ADGRV1: variants seen among roughly 807,000 people sequenced by gnomAD.
ADGRV1 encodes G-protein coupled receptor 98.
Under a neutral mutation model 596.2 loss-of-function variants are expected in ADGRV1, and 359 were observed. The ratio of observed to expected loss-of-function variants is 0.60; its 90% CI spans 0.55 to 0.66. The LOEUF is 0.66. ADGRV1 is among the 30% of genes least tolerant of loss of function. The pLI is 0.00. For synonymous variants in ADGRV1, 2,681 were observed against 2,679.2 expected (o/e 1.00, Z -0.02); for missense variants, 7,274 against 7,575.6 (o/e 0.96, Z 1.48).
chr5:91,060,199 C>T (rs940296814), intron 85 of ADGRV1, among the ~76,000 whole-genome samples: 14 of 151,730 alleles, frequency 9.2e-5, no homozygotes, highest in African/African-American at 1.9e-4. Flanking sequence ...TGCTGGGGGG[C>T]GGGGCAGCAG....
chr5:90,677,726 G>A (rs1744418518), intron 25 of ADGRV1, among the ~76,000 whole-genome samples: 1 of 152,072 alleles, frequency 6.6e-6, no homozygotes, highest in Non-Finnish European at 1.5e-5. Flanking sequence ...TATATTAATT[G>A]GACTTGAATA....
Position 90,651,394 on chromosome 5 carries a change from T to G in ADGRV1, c.3290-210T>G, listed in dbSNP as rs1012783307. The stretch of plus-strand genomic sequence containing the variant: ...TTATGTAGGCATCTCTCTTTCTCTC[T>G]CTCTTTGTATGTATGTTTGTACTTA... On this transcript the variant is annotated intron_variant, in intron 17 of 89. Coordinates refer to ENST00000405460, the MANE Select transcript of ADGRV1 (RefSeq NM_032119.4). 2.0e-5 allele frequency among the ~76,000 whole-genome samples: 3 copies of G among 152,286 alleles called. No homozygotes were observed. The East Asian group carries it at 5.8e-4, about 29-fold the overall frequency.
At chr5:90,766,037 G>A (rs1374454286) in intron 59 of ADGRV1, among the ~76,000 whole-genome samples, 1 of 152,006 alleles carries the variant, frequency 6.6e-6, no homozygotes, top group African/African-American at 2.4e-5. Context: ...AGCCTCCCGA[G>A]TAGCTGGGAC....
At chr5:90,807,035 T>C (rs779118484) in intron 72 of ADGRV1, among the ~76,000 whole-genome samples, 2 of 152,016 alleles carry the variant, frequency 1.3e-5, no homozygotes, top group Non-Finnish European at 2.9e-5. Flanking sequence ...GTATTTTTTG[T>C]ACAGATGGGG....
At chr5:91,038,502 A>G (rs1785084157) in intron 85 of ADGRV1, among the ~76,000 whole-genome samples, 1 of 151,914 alleles carries the variant, frequency 6.6e-6, no homozygotes. Flanking sequence ...AGAGAAATGA[A>G]TGGATTCAAA....
chr5:90,663,358 G>A (rs1183629869), intron 21 of ADGRV1, among the ~76,000 whole-genome samples: 1 of 150,506 alleles, frequency 6.6e-6, no homozygotes, highest in Non-Finnish European at 1.5e-5. Context: ...TTCTCTGATG[G>A]CCAGTGATGA....
rs141543439 is a variant in ADGRV1, at chr5:90,577,251, T to A, written c.22+18334T>A. ...CTTCTAGGGTTTTTATGGTTTTAGG[T>A]CAAACATTTAAGTCTTTAATCCATC... On this transcript the variant is annotated intron_variant, in intron 1 of 89. Coordinates refer to ENST00000405460, the MANE Select transcript of ADGRV1 (RefSeq NM_032119.4). Among the ~76,000 whole-genome samples, 1,397 of 152,316 alleles carry A rather than the reference T, an allele frequency of 9.2e-3. 12 individuals are homozygous for A. Among genetic ancestry groups the A allele is most frequent in the African/African-American group, 0.032 (1,332 of 41,572 alleles).
intron 13 of ADGRV1, 43 bp downstream of exon 13, chr5:90,643,084 A>T: frequency 1.4e-6 from 2 of 1,475,704 alleles, no homozygotes; most frequent in African/African-American, 1.4e-5. Flanking sequence ...TGTAAGATTG[A>T]TAGTATTTGG....
At position 91,147,568 on chromosome 5, in the gene ADGRV1, C is replaced by T. The variant is rs188205079; in HGVS notation, c.18433-2462C>T. Among the ~76,000 whole-genome samples the T allele has an allele frequency of 4.5e-3, 691 of 152,300 alleles. 1 individual carries two copies. The highest frequency in any genetic ancestry group is 7.8e-3 in the Non-Finnish European group (532 of 68,018). On this transcript the variant is annotated intron_variant, in intron 87 of 89. Transcript: ENST00000405460. The stretch of plus-strand genomic sequence containing the variant: ...TTTCTCCTGCTTGCACGCATTCTCT[C>T]TCCTGCCTCCCTGTGAAGAGGTGCC...
chr5:90,869,236 G>A (rs2150487960), intron 83 of ADGRV1, among the ~76,000 whole-genome samples: 1 of 152,264 alleles, frequency 6.6e-6, no homozygotes, highest in East Asian at 1.9e-4. Context: ...GACTTGGAAT[G>A]TGACACATTC....
chr5:90,678,376 A>G (rs1340958403), intron 25 of ADGRV1, among the ~76,000 whole-genome samples: 2 of 151,906 alleles, frequency 1.3e-5, no homozygotes, highest in East Asian at 3.9e-4. Context: ...TTGGGGTACA[A>G]GATGTATTAG....
rs1202581807 is a variant in ADGRV1 at position 90,922,166 on chromosome 5, T to C, written c.17857-43249T>C. Among the ~76,000 whole-genome samples, 3 of 152,256 alleles carry C rather than the reference T, an allele frequency of 2.0e-5. No individual in the cohort carries two copies. In the East Asian group the frequency reaches 5.8e-4, roughly 29 times the overall value. On this transcript the variant is annotated intron_variant, in intron 83 of 89. Coordinates refer to ENST00000405460, the MANE Select transcript of ADGRV1 (RefSeq NM_032119.4). ...CCTTTCCTTCTTTACCTCGTTTCAC[T>C]GCCACACTGTATGGTGTCAACATCG...
intron 21 of ADGRV1, among the ~76,000 whole-genome samples, chr5:90,663,933 C>T (rs1407802362): frequency 6.6e-6 from 1 of 150,612 alleles, no homozygotes; most frequent in Non-Finnish European, 1.5e-5. Flanking sequence ...AGATATGCGG[C>T]GTTATTTCTG....
intron 85 of ADGRV1, among the ~76,000 whole-genome samples, chr5:91,015,770 G>A (rs1378950076): frequency 6.6e-6 from 1 of 151,928 alleles, no homozygotes; most frequent in African/African-American, 2.4e-5. Context: ...GAGCCAATGG[G>A]TGTCATTATG....
intron 1 of ADGRV1, among the ~76,000 whole-genome samples, chr5:90,593,777 A>C (rs866132302): frequency 7.2e-5 from 11 of 152,246 alleles, no homozygotes; most frequent in Middle Eastern, 6.8e-3. Context: ...AAAATCTTTT[A>C]TCATTAACTA....
At chr5:90,779,591 C>T (rs1456437996) in intron 64 of ADGRV1, 1 of 152,222 alleles carries the variant, frequency 6.6e-6, no homozygotes, top group Non-Finnish European at 1.5e-5. Flanking sequence ...TGAGTGAAAG[C>T]TAGTTGGCCA....
chr5:90,615,167 T>C (rs1763212498), intron 2 of ADGRV1, 148 bp downstream of exon 2: 3 of 560,064 alleles, frequency 5.4e-6, no homozygotes. Context: ...TATTCCATTT[T>C]TATCTCTTAC....
At chr5:91,019,570 T>A (rs1783456343) in intron 85 of ADGRV1, among the ~76,000 whole-genome samples, 1 of 128,608 alleles carries the variant, frequency 7.8e-6, no homozygotes, top group South Asian at 2.6e-4. Context: ...ATTAATTTAC[T>A]TGGTTATTTC....
chr5:90,838,704 C>T (rs1765175311), intron 77 of ADGRV1, among the ~76,000 whole-genome samples: 1 of 152,144 alleles, frequency 6.6e-6, no homozygotes, highest in South Asian at 2.1e-4. Context: ...ACCTTCACTT[C>T]TCCTCTTCCT....
Sources: gnomAD v4.1 joint callset for allele counts (sites outside exome capture counted in the v4.1 genomes callset) on GRCh38, gnomAD v4.1.1 for gene constraint, MANE v1.5 for transcripts, NCBI Gene and HGNC (gene_info 2026-07-23, HGNC 2026-07-21) for gene names.